RIMBP2: variants seen among roughly 807,000 people sequenced by gnomAD.
RIMBP2 encodes the protein RIMS binding protein 2, also known as RIMS-binding protein 2.
RIMBP2 carries 48 observed loss-of-function variants against 118.6 expected under a neutral mutation model. The ratio of observed to expected loss-of-function variants is 0.40; its 90% CI spans 0.32 to 0.51. The LOEUF is 0.51. Among genes scored for constraint, RIMBP2 ranks in the 20% least tolerant of loss-of-function variants. The pLI, the probability that RIMBP2 is intolerant of heterozygous loss-of-function variation, is 0.41. For synonymous variants in RIMBP2, 762 were observed against 742.9 expected (o/e 1.03, Z -0.42); for missense variants, 1,551 against 1,768.3 (o/e 0.88, Z 2.20).
At chr12:130,451,152 A>G in intron 8 of RIMBP2, 43 bp downstream of exon 8, 1 of 1,599,738 alleles carries the variant, frequency 6.3e-7, no homozygotes, top group South Asian at 1.1e-5. Context: ...CCAGACACAC[A>G]CAGCACAGGC....
At chr12:130,682,680 T>C (rs948973651) in intron 1 of RIMBP2, among the ~76,000 whole-genome samples, 13 of 152,240 alleles carry the variant, frequency 8.5e-5, no homozygotes, top group African/African-American at 3.1e-4. Flanking sequence ...TCGATTTCCT[T>C]GTGTCACTTT....
chr12:130,522,811 T>G (rs77509697), intron 2 of RIMBP2, among the ~76,000 whole-genome samples: 7,548 of 152,182 alleles, frequency 0.05, 252 homozygotes, highest in African/African-American at 0.091. Context: ...AATTCGTACT[T>G]TGAAGCCCTA....
chr12:130,522,262 G>A (rs2052212782), intron 2 of RIMBP2, among the ~76,000 whole-genome samples: 1 of 152,238 alleles, frequency 6.6e-6, no homozygotes, highest in Non-Finnish European at 1.5e-5. Context: ...GATGAGGGAG[G>A]AAGGAAAAGG....
intron 3 of RIMBP2, among the ~76,000 whole-genome samples, chr12:130,510,892 C>T (rs557447155): frequency 2.6e-5 from 4 of 152,100 alleles, no homozygotes; most frequent in Admixed American, 2.0e-4. Flanking sequence ...GGCTCTGGTT[C>T]GCAACAAGGA....
chr12:130,451,116 A>T, intron 8 of RIMBP2, 79 bp downstream of exon 8: 2 of 1,489,226 alleles, frequency 1.3e-6, no homozygotes, highest in African/African-American at 2.8e-5. Context: ...GGAAGAAAAA[A>T]CAGGACAAAC....
At chr12:130,658,996 C>G (rs1016192914) in intron 1 of RIMBP2, among the ~76,000 whole-genome samples, 1 of 151,908 alleles carries the variant, frequency 6.6e-6, no homozygotes, top group Non-Finnish European at 1.5e-5. Context: ...CTTCCTCCAC[C>G]ATGCCAGCCT....
intron 1 of RIMBP2, among the ~76,000 whole-genome samples, chr12:130,712,129 G>A (rs1196033158): frequency 6.6e-6 from 1 of 152,244 alleles, no homozygotes; most frequent in African/African-American, 2.4e-5. Context: ...TGAGTGAGGA[G>A]TGGACGTGAG....
chr12:130,669,982 T>C (rs2064125302), intron 1 of RIMBP2, among the ~76,000 whole-genome samples: 1 of 152,156 alleles, frequency 6.6e-6, no homozygotes, highest in African/African-American at 2.4e-5. Flanking sequence ...TTTGCAGATA[T>C]AATTAAATTA....
intron 2 of RIMBP2, among the ~76,000 whole-genome samples, chr12:130,559,523 C>T (rs978963866): frequency 7.9e-5 from 12 of 152,174 alleles, no homozygotes; most frequent in Non-Finnish European, 1.5e-4. Context: ...AATAGTACTC[C>T]GCTGTGTATA....
chr12:130,399,218 G>T, intron 22 of RIMBP2: 1 of 1,020,378 alleles, frequency 9.8e-7, no homozygotes, highest in Non-Finnish European at 1.3e-6. Flanking sequence ...ATATAATATA[G>T]AAAAACTTGC....
intron 4 of RIMBP2, among the ~76,000 whole-genome samples, chr12:130,500,640 G>T (rs2049667777): frequency 6.6e-6 from 1 of 152,134 alleles, no homozygotes; most frequent in Non-Finnish European, 1.5e-5. Flanking sequence ...TGACCAGTGG[G>T]CTAATTTTCA....
intron 17 of RIMBP2, among the ~76,000 whole-genome samples, chr12:130,418,938 G>A (rs1467931868): frequency 6.6e-6 from 1 of 152,180 alleles, no homozygotes; most frequent in East Asian, 1.9e-4. Context: ...TCCTTCCAGA[G>A]AACTGCCCAC....
rs1334935388 is a variant in RIMBP2 at position 130,523,536 on chromosome 12, A to C, written c.-216-5619T>G. 6.6e-6 allele frequency among the ~76,000 whole-genome samples: 1 copy of C among 152,106 alleles called. No homozygotes were observed. Among genetic ancestry groups the C allele is most frequent in the African/African-American group, 2.4e-5 (1 of 41,416 alleles). On this transcript the variant is annotated intron_variant, in intron 2 of 22. Transcript: ENST00000690449. This position sits in a 1 kb window ranked among gnomAD's most constrained non-coding sequence, Gnocchi z 4.4. ...GGAAGAAACTGGGTCTTCTGAAGACACCCCCTTCCCCATCAGGAGCTCCAG... is the reference window on the plus strand; with the variant it reads ...GGAAGAAACTGGGTCTTCTGAAGACCCCCCCTTCCCCATCAGGAGCTCCAG...
chr12:130,678,885 A>C (rs1267319577), intron 1 of RIMBP2, among the ~76,000 whole-genome samples: 1 of 152,170 alleles, frequency 6.6e-6, no homozygotes, highest in East Asian at 1.9e-4. Context: ...ACGTAGACCC[A>C]TAGTCAGCGG....
chr12:130,522,931 G>A (rs147513102), intron 2 of RIMBP2, among the ~76,000 whole-genome samples: 11 of 152,268 alleles, frequency 7.2e-5, no homozygotes, highest in African/African-American at 2.4e-4. Flanking sequence ...AGAGGAGGAC[G>A]ATCTCGGTCT....
intron 1 of RIMBP2, among the ~76,000 whole-genome samples, chr12:130,669,795 ATTC>A (rs1449762428): frequency 1.3e-5 from 2 of 152,208 alleles, no homozygotes; most frequent in African/African-American, 2.4e-5. Flanking sequence ...GTGTGCCAGG[ATTC>A]TTCTCTCTAA....
At chr12:130,689,530 C>A (rs1481046428) in intron 1 of RIMBP2, among the ~76,000 whole-genome samples, 1 of 152,168 alleles carries the variant, frequency 6.6e-6, no homozygotes, top group Non-Finnish European at 1.5e-5. Context: ...AAAGGATGAT[C>A]CAGGATCAGT....
rs2065170006 is a variant in RIMBP2 at position 130,688,585 on chromosome 12, C to T, written c.-352+27637G>A. Among the ~76,000 whole-genome samples the T allele has an allele frequency of 6.6e-6, 1 of 151,496 alleles. No homozygotes were observed. The highest frequency in any genetic ancestry group is 1.5e-5 in the Non-Finnish European group (1 of 67,988). ...CCCCTGTCAGTTACCCCGGGTGACC[C>T]TTAGGACTCTGAGCACAGCCGGCGG... On this transcript the variant is annotated intron_variant, in intron 1 of 22. Coordinates refer to ENST00000690449, the MANE Select transcript of RIMBP2 (RefSeq NM_001393629.1). This position sits in a 1 kb window ranked among gnomAD's most constrained non-coding sequence, Gnocchi z 4.7.
intron 3 of RIMBP2, among the ~76,000 whole-genome samples, chr12:130,510,316 A>G (rs2050782581): frequency 6.6e-6 from 1 of 152,084 alleles, no homozygotes; most frequent in African/African-American, 2.4e-5. Context: ...TATGGTGGCA[A>G]TTGCAGTGAC....
Sources: allele counts gnomAD v4.1 joint callset (sites outside exome capture counted in the v4.1 genomes callset), GRCh38; gene constraint gnomAD v4.1.1; non-coding constraint Gnocchi (gnomAD v3.1); transcripts MANE v1.5; gene names NCBI Gene and HGNC (gene_info 2026-07-23, HGNC 2026-07-21).